The following KANK1 variants were observed in gnomAD, a reference collection of about 807,000 sequenced individuals.
KANK1 encodes KN motif and ankyrin repeat domain-containing protein 1.
Under a neutral mutation model 106.2 loss-of-function variants are expected in KANK1, and 109 were observed. The ratio of observed to expected loss-of-function variants is 1.03; its 90% CI spans 0.88 to 1.20. KANK1 has a LOEUF of 1.20. Among genes scored for constraint, KANK1 ranks in the 50% most tolerant of loss-of-function variants. The pLI, the probability that KANK1 is intolerant of heterozygous loss-of-function variation, is 0.00. For missense variants in KANK1, 2,399 were observed against 1,710.7 expected, an observed-to-expected ratio of 1.40 and a Z score of -7.10; for synonymous variants, 873 against 652.2, an observed-to-expected ratio of 1.34 and a Z score of -5.16.
At chr9:629,975 C>G (rs1237780136) in intron 1 of KANK1, among the ~76,000 whole-genome samples, 1 of 152,200 alleles carries the variant, frequency 6.6e-6, no homozygotes, top group East Asian at 1.9e-4. Flanking sequence ...AGGCCAGGCG[C>G]ACTGGCTCAC....
In KANK1 at chr9:489,761, G is replaced by A. The variant is rs1296622920; in HGVS notation, c.-362+16488G>A. 2.0e-5 allele frequency among the ~76,000 whole-genome samples: 3 copies of A among 152,272 alleles called. No individual in the cohort carries two copies. The South Asian group carries it at 6.2e-4, about 32-fold the overall frequency. On this transcript the variant is annotated intron_variant, in intron 3 of 15. Coordinates refer to the KANK1 transcript ENST00000382303. ...TACTATTTTTTATCTGCTCCACGGGGTTTGAAGAAAAATAATAGTATCAAT... is the reference window on the plus strand; with the variant it reads ...TACTATTTTTTATCTGCTCCACGGGATTTGAAGAAAAATAATAGTATCAAT...
At chr9:582,737 A>G (rs777401938) in intron 1 of KANK1, among the ~76,000 whole-genome samples, 8 of 152,264 alleles carry the variant, frequency 5.3e-5, no homozygotes, top group Non-Finnish European at 1.2e-4. Context: ...TAACCAGCAT[A>G]TTACAGAGGC....
At chr9:591,031 G>A (rs1227886541) in intron 1 of KANK1, among the ~76,000 whole-genome samples, 1 of 151,704 alleles carries the variant, frequency 6.6e-6, no homozygotes, top group African/African-American at 2.4e-5. Flanking sequence ...AACCTTACCA[G>A]TTTTATAGAC....
chr9:684,605 A>G, intron 2 of KANK1: 6 of 984,092 alleles, frequency 6.1e-6, no homozygotes, highest in Non-Finnish European at 7.2e-6. Flanking sequence ...CTGATTATGC[A>G]CTTCCCCTCT....
chr9:608,806 G>C (rs978075835), intron 1 of KANK1, among the ~76,000 whole-genome samples: 1 of 152,168 alleles, frequency 6.6e-6, no homozygotes, highest in Non-Finnish European at 1.5e-5. Flanking sequence ...CCCAGTTGAT[G>C]GTCCAGAGTG....
chr9:632,725 T>C (rs1474395649), intron 1 of KANK1, among the ~76,000 whole-genome samples: 4 of 152,178 alleles, frequency 2.6e-5, no homozygotes, highest in Non-Finnish European at 5.9e-5. Context: ...AGTCTCTCTC[T>C]GTTGCCCAGG....
intron 3 of KANK1, among the ~76,000 whole-genome samples, chr9:479,899 C>T (rs1184193749): frequency 3.3e-5 from 5 of 152,098 alleles, no homozygotes; most frequent in Non-Finnish European, 4.4e-5. Context: ...ATAATTGGTG[C>T]GAACAGTGAT....
intron 1 of KANK1, among the ~76,000 whole-genome samples, chr9:658,789 A>G (rs532666558): frequency 2.0e-5 from 3 of 152,272 alleles, no homozygotes; most frequent in South Asian, 4.1e-4. Context: ...CAAAAATCGC[A>G]TAGGCACATC....
chr9:732,683 G>C, intron 6 of KANK1, 66 bp downstream of exon 6: 1 of 1,558,090 alleles, frequency 6.4e-7, no homozygotes, highest in Non-Finnish European at 8.8e-7. Flanking sequence ...AATAGAGTTG[G>C]CCAGTTCAGA....
At chr9:525,350 C>CGTGTGTGT (rs35296364) in intron 1 of KANK1, among the ~76,000 whole-genome samples, 20,092 of 140,398 alleles carry the variant, frequency 0.14, 2,015 homozygotes, top group African/African-American at 0.27. Context: ...TGTATACATA[C>CGTGTGTGT]GTGTGTGTGT....
chr9:645,085 C>G (rs933797234), intron 1 of KANK1, among the ~76,000 whole-genome samples: 5 of 135,266 alleles, frequency 3.7e-5, no homozygotes, highest in African/African-American at 1.5e-4. Context: ...GATCACACCA[C>G]TGCACTCCAG....
At chr9:675,761 T>C (rs1486953020) in intron 1 of KANK1, among the ~76,000 whole-genome samples, 2 of 152,120 alleles carry the variant, frequency 1.3e-5, no homozygotes, top group Non-Finnish European at 2.9e-5. Flanking sequence ...TAAAAGCAAG[T>C]TTATTAAGAA....
intron 2 of KANK1, among the ~76,000 whole-genome samples, chr9:698,172 C>T (rs555656607): frequency 7.9e-5 from 12 of 152,202 alleles, no homozygotes; most frequent in Non-Finnish European, 1.6e-4. Flanking sequence ...AGCGTGCTGC[C>T]CGCCTTTCTC....
intron 1 of KANK1, among the ~76,000 whole-genome samples, chr9:601,217 C>G (rs543527733): frequency 6.6e-6 from 1 of 151,868 alleles, no homozygotes; most frequent in Non-Finnish European, 1.5e-5. Context: ...TCTTACATAA[C>G]CATATTGAAC....
At chr9:507,383 A>G (rs973925393) in intron 1 of KANK1, among the ~76,000 whole-genome samples, 2 of 151,958 alleles carry the variant, frequency 1.3e-5, no homozygotes, top group Non-Finnish European at 2.9e-5. Flanking sequence ...CCATAGGTAT[A>G]CATATCCCAC....
intron 1 of KANK1, among the ~76,000 whole-genome samples, chr9:509,871 G>A (rs906214701): frequency 2.0e-5 from 3 of 152,050 alleles, no homozygotes; most frequent in Non-Finnish European, 2.9e-5. Flanking sequence ...ATCAGAGCTC[G>A]CTGTAACCGT....
At chr9:629,205 C>A (rs1177530351) in intron 1 of KANK1, among the ~76,000 whole-genome samples, 1 of 152,076 alleles carries the variant, frequency 6.6e-6, no homozygotes, top group Non-Finnish European at 1.5e-5. Context: ...AGAGTTGCTC[C>A]CAGCCGCTGA....
At chr9:684,418 A>T in intron 2 of KANK1, 2 of 985,408 alleles carry the variant, frequency 2.0e-6, no homozygotes, top group Non-Finnish European at 1.2e-6. Context: ...AAAAACACAT[A>T]CAAAATAAAC....
At chr9:664,149 T>A (rs370195612) in intron 1 of KANK1, among the ~76,000 whole-genome samples, 2 of 152,180 alleles carry the variant, frequency 1.3e-5, no homozygotes, top group African/African-American at 4.8e-5. Flanking sequence ...GTTGTCCTAC[T>A]GATCTATCGA....
Sources: allele counts gnomAD v4.1 joint callset (sites outside exome capture counted in the v4.1 genomes callset), GRCh38; gene constraint gnomAD v4.1.1; transcripts MANE v1.5; gene names NCBI Gene and HGNC (gene_info 2026-07-23, HGNC 2026-07-21).